Variants in NKIRAS1 observed in about 807,000 individuals in gnomAD.
NKIRAS1 encodes the protein NF-kappa-B inhibitor-interacting Ras-like protein 1.
A neutral mutation model predicts 19.8 loss-of-function variants in NKIRAS1; 16 were observed. That is an observed-to-expected ratio of 0.81 (90% CI 0.55 to 1.23). The LOEUF (loss-of-function observed/expected upper bound fraction) is 1.23, where lower values mean the gene tolerates loss of function less well. Ranked by LOEUF, NKIRAS1 falls within the 50% of genes most tolerant of loss-of-function variation. The pLI is 0.00. For missense variants in NKIRAS1, 184 were observed against 220.0 expected (o/e 0.84, Z 1.04); for synonymous variants, 88 against 79.0 (o/e 1.11, Z -0.61).
rs1183038009 is a variant in NKIRAS1, at chr3:23,922,299, C to T, written c.-139-10849G>A. ...AAAAGGTGCAGTTACTAGTATTAAT[C>T]CTTTTTTGCCAATGAGGAAACACAA... On this transcript the variant is annotated intron_variant, in intron 1 of 4. Coordinates refer to the NKIRAS1 transcript ENST00000421515. The surrounding 1 kb of genome is among the most constrained non-coding windows in gnomAD (Gnocchi z 4.2). The T allele has an allele frequency of 3.3e-5, 5 of 152,248 alleles. No homozygotes were observed. The highest frequency in any genetic ancestry group is 3.3e-4 in the Admixed American group (5 of 15,286). The allele number at this position is 152,248 out of a possible 1,614,324, so 9.4% of individuals were successfully genotyped here.
chr3:23,945,081 A>G (rs1251328603), intron 1 of NKIRAS1, among the ~76,000 whole-genome samples: 1 of 149,138 alleles, frequency 6.7e-6, no homozygotes, highest in Admixed American at 6.7e-5. Context: ...TACGGCACGG[A>G]GGGGAAAAAC....
In NKIRAS1 at chr3:23,946,371, G is replaced by C; in HGVS notation, c.-188C>G. 3 of 882,574 alleles carry C rather than the reference G, an allele frequency of 3.4e-6. No individual in the cohort carries two copies. The African/African-American group carries it at 5.4e-5, about 16-fold the overall frequency. 54.7% of individuals were successfully genotyped at this position (882,574 alleles called of 1,614,324 possible). On this transcript the variant is annotated 5_prime_UTR_variant, in exon 1 of 5. Transcript: ENST00000421515. ...GCAGGACGAGGGCGTGCTGCAGGCC[G>C]GAGGAGGCGCCTCGGGGAAGGCGTG...
chr3:23,941,627 G>A (rs764551541), intron 1 of NKIRAS1, among the ~76,000 whole-genome samples: 24 of 152,130 alleles, frequency 1.6e-4, no homozygotes, highest in Admixed American at 1.6e-3. Context: ...AATTTCCACC[G>A]CAGCTACAGC....
chr3:23,907,647 C>T (rs895250387), intron 3 of NKIRAS1, among the ~76,000 whole-genome samples: 4 of 152,172 alleles, frequency 2.6e-5, no homozygotes, highest in Admixed American at 6.5e-5. Context: ...TGGCACTAAA[C>T]GTATAGTTGC....
rs1345620367 is a variant in NKIRAS1 at position 23,891,444 on chromosome 3, T to G, written c.*1651A>C. ...ATTTAGTAGGTATTAGTTAGTTACCTATATTAGGATCTGTACTTTACACAG... is the reference window on the plus strand; with the variant it reads ...ATTTAGTAGGTATTAGTTAGTTACCGATATTAGGATCTGTACTTTACACAG... On this transcript the variant is annotated 3_prime_UTR_variant, in exon 5 of 5. Transcript: ENST00000425478. 6.6e-6 allele frequency: 1 copy of G among 152,224 alleles called. No individual in the cohort carries two copies. The highest frequency in any genetic ancestry group is 6.5e-5 in the Admixed American group (1 of 15,280). The allele number at this position is 152,224 out of a possible 1,614,324, so 9.4% of individuals were successfully genotyped here. A position where few individuals can be genotyped will look rare whatever the true frequency, so the allele number is the denominator to read the frequency against.
upstream of NKIRAS1, chr3:23,920,820 GAATA>G (rs1439693149): frequency 8.9e-5 from 83 of 934,164 alleles, no homozygotes; most frequent in Non-Finnish European, 1.0e-4. Flanking sequence ...TCAACTGAAG[GAATA>G]AATGTCTATT....
At position 23,926,742 on chromosome 3, in the gene NKIRAS1, C is replaced by G. The variant is rs1194754516; in HGVS notation, c.-139-15292G>C. Among the ~76,000 whole-genome samples, 3 of 152,174 alleles carry G rather than the reference C, an allele frequency of 2.0e-5. No individual in the cohort carries two copies. Among genetic ancestry groups the G allele is most frequent in the African/African-American group, 7.2e-5 (3 of 41,436 alleles). Reference sequence around the variant, plus strand: ...TGTAGAAGAATGAACTGCTACAACACCTTTTCTAAGAAAAAAGGTTTTGGT... The same window carrying G: ...TGTAGAAGAATGAACTGCTACAACAGCTTTTCTAAGAAAAAAGGTTTTGGT... On this transcript the variant is annotated intron_variant, in intron 1 of 4. Transcript: ENST00000421515. This position sits in a 1 kb window ranked among gnomAD's most constrained non-coding sequence, Gnocchi z 4.3.
At chr3:23,946,304 G>A in intron 1 of NKIRAS1, 1 of 985,392 alleles carries the variant, frequency 1.0e-6, no homozygotes, top group Non-Finnish European at 1.2e-6. Flanking sequence ...GGCGCCTGGG[G>A]AGGCTGGTAG....
At chr3:23,909,860 T>TTTTTG (rs1703487707) in intron 3 of NKIRAS1, among the ~76,000 whole-genome samples, 2 of 118,848 alleles carry the variant, frequency 1.7e-5, no homozygotes, top group African/African-American at 5.5e-5. Context: ...TTTTGTTTTT[T>TTTTTG]TTTGTTTTTT....
chr3:23,946,300 T>G (rs1705705870), intron 1 of NKIRAS1: 3 of 985,266 alleles, frequency 3.0e-6, no homozygotes, highest in Non-Finnish European at 3.6e-6. Context: ...AACCGGCGCC[T>G]GGGGAGGCTG....
chr3:23,918,075 A>T (rs766173748), upstream of NKIRAS1: 5 of 1,579,268 alleles, frequency 3.2e-6, no homozygotes, highest in East Asian at 1.1e-4. Flanking sequence ...ATTATATTCG[A>T]GAAAAGTTGG....
chr3:23,898,761 A>C (rs1702225240), intron 4 of NKIRAS1, among the ~76,000 whole-genome samples: 1 of 152,060 alleles, frequency 6.6e-6, no homozygotes, highest in African/African-American at 2.4e-5. Context: ...TTTCTTTTAT[A>C]TCAGGGGTCC....
At chr3:23,932,857 C>T (rs1371963326) in intron 1 of NKIRAS1, among the ~76,000 whole-genome samples, 3 of 152,082 alleles carry the variant, frequency 2.0e-5, no homozygotes, top group Non-Finnish European at 1.5e-5. Context: ...GAGTCAACAA[C>T]GTTAACATTA....
At position 23,897,789 on chromosome 3, in the gene NKIRAS1, T is replaced by A. The variant is rs1702125816; in HGVS notation, c.336+3019A>T. 2.0e-5 allele frequency among the ~76,000 whole-genome samples: 3 copies of A among 152,224 alleles called. No individual in the cohort carries two copies. The South Asian group carries it at 6.2e-4, about 32-fold the overall frequency. On this transcript the variant is annotated intron_variant, in intron 4 of 4. Coordinates refer to ENST00000425478, the MANE Select transcript of NKIRAS1 (RefSeq NM_020345.4). ...ATTCTGCTTTTCCACATAGCATCAC[T>A]CATTGTAATGTATTAAATATATTTA...
chr3:23,913,182 T>C (rs1252567117), intron 1 of NKIRAS1, among the ~76,000 whole-genome samples: 5 of 152,212 alleles, frequency 3.3e-5, no homozygotes, highest in African/African-American at 1.2e-4. Context: ...CATTGTTTTG[T>C]ATTGTATGTA....
rs560088898 is a variant in NKIRAS1, at chr3:23,929,666, T to A, written c.-140+16657A>T. 1.2e-4 allele frequency among the ~76,000 whole-genome samples: 19 copies of A among 152,234 alleles called. No individual in the cohort carries two copies. In the East Asian group the frequency reaches 3.7e-3, roughly 29 times the overall value. ...CATGTTGCCCAGGCTGTTATCAAAC[T>A]CCTGGACTCAAGTGATCCTCCTGCC... On this transcript the variant is annotated intron_variant, in intron 1 of 4. Coordinates refer to the NKIRAS1 transcript ENST00000421515.
At position 23,890,634 on chromosome 3, in the gene NKIRAS1, T is replaced by A. The variant is rs763529436; in HGVS notation, c.*2461A>T. On this transcript the variant is annotated 3_prime_UTR_variant, in exon 5 of 5. Coordinates refer to ENST00000425478, the MANE Select transcript of NKIRAS1 (RefSeq NM_020345.4). ...TGGGGTTTCACAATTCTTACATTAT[T>A]TGTCTGTCACAGAAGAGAGCTGCTT... 5 of 1,607,484 alleles carry A rather than the reference T, an allele frequency of 3.1e-6. No individual in the cohort carries two copies. Among genetic ancestry groups the A allele is most frequent in the Non-Finnish European group, 4.3e-6 (5 of 1,175,818 alleles).
chr3:23,916,342 TTTTCTCGGCA>T (rs1704424178), intron 1 of NKIRAS1: 1 of 152,180 alleles, frequency 6.6e-6, no homozygotes, highest in Non-Finnish European at 1.5e-5. Context: ...AATGCCAGCA[TTTTCTCGGCA>T]TTTCTTCTCT....
chr3:23,919,503 A>G (rs1704950642), upstream of NKIRAS1: 1 of 1,559,546 alleles, frequency 6.4e-7, no homozygotes, highest in Non-Finnish European at 8.6e-7. Flanking sequence ...TACCGCTAAT[A>G]TAAGTAAAGT....
Sources: gnomAD v4.1 joint callset for allele counts (sites outside exome capture counted in the v4.1 genomes callset) on GRCh38, gnomAD v4.1.1 for gene constraint, Gnocchi (gnomAD v3.1) non-coding constraint, MANE v1.5 for transcripts, NCBI Gene and HGNC (gene_info 2026-07-23, HGNC 2026-07-21) for gene names.